ATRNL1: variants seen among roughly 807,000 people sequenced by gnomAD.
ATRNL1 encodes the protein attractin like 1.
ATRNL1 carries 95 observed loss-of-function variants against 182.7 expected under a neutral mutation model. The observed-to-expected ratio is 0.52, with a 90% CI of 0.44 to 0.62. ATRNL1 has a LOEUF of 0.62. ATRNL1 is among the 20% of genes least tolerant of loss of function. ATRNL1 has a pLI of 0.00. For missense variants in ATRNL1, 1,471 were observed against 1,679.5 expected, an observed-to-expected ratio of 0.88 and a Z score of 2.17; for synonymous variants, 576 against 568.3, an observed-to-expected ratio of 1.01 and a Z score of -0.19.
chr10:115,377,987 T>G (rs1449205161), intron 19 of ATRNL1, among the ~76,000 whole-genome samples: 2 of 152,060 alleles, frequency 1.3e-5, no homozygotes, highest in African/African-American at 4.8e-5. Flanking sequence ...TGTGGCTTCT[T>G]CTGCATTCTT....
chr10:115,404,397 T>C (rs1219055995), intron 20 of ATRNL1, among the ~76,000 whole-genome samples: 2 of 152,188 alleles, frequency 1.3e-5, no homozygotes, highest in Non-Finnish European at 2.9e-5. Context: ...AAAAACCTCA[T>C]GTGCCATACA....
intron 20 of ATRNL1, among the ~76,000 whole-genome samples, chr10:115,398,338 C>T (rs905991062): frequency 2.0e-5 from 3 of 151,966 alleles, no homozygotes; most frequent in East Asian, 1.9e-4. Flanking sequence ...CACAGCTGAT[C>T]GTCAAAAATT....
chr10:115,277,740 A>T (rs181916033), intron 13 of ATRNL1, among the ~76,000 whole-genome samples: 1 of 152,250 alleles, frequency 6.6e-6, no homozygotes, highest in East Asian at 1.9e-4. Flanking sequence ...TATGTGAATT[A>T]TCTGAACCTG....
chr10:115,743,073 C>T (rs1555068097), intron 27 of ATRNL1, among the ~76,000 whole-genome samples: 1 of 151,950 alleles, frequency 6.6e-6, no homozygotes, highest in South Asian at 2.1e-4. Context: ...CATGAGAACT[C>T]ACTCACTATC....
intron 1 of ATRNL1, among the ~76,000 whole-genome samples, chr10:115,104,128 C>T (rs112801597): frequency 0.021 from 3,253 of 152,280 alleles, 45 homozygotes; most frequent in South Asian, 0.029. Context: ...AACTGTTCTG[C>T]ATAGTAGTTA....
At chr10:115,375,383 G>A (rs575091342) in intron 19 of ATRNL1, among the ~76,000 whole-genome samples, 2 of 151,836 alleles carry the variant, frequency 1.3e-5, no homozygotes, top group South Asian at 2.1e-4. Context: ...GTCTCTTATA[G>A]GGAGTCTATT....
chr10:115,836,029 A>G (rs1395285349), intron 27 of ATRNL1, among the ~76,000 whole-genome samples: 1 of 152,186 alleles, frequency 6.6e-6, no homozygotes, highest in South Asian at 2.1e-4. Context: ...GAATCTCAGA[A>G]TCTATTTCCT....
chr10:115,194,119 AT>A (rs1325967182), intron 8 of ATRNL1, among the ~76,000 whole-genome samples: 2 of 151,900 alleles, frequency 1.3e-5, no homozygotes, highest in Admixed American at 1.3e-4. Context: ...GTCCTAATGA[AT>A]TGTCTATCTT....
chr10:115,322,353 T>G (rs1854626693), intron 18 of ATRNL1, among the ~76,000 whole-genome samples: 1 of 152,028 alleles, frequency 6.6e-6, no homozygotes, highest in Non-Finnish European at 1.5e-5. Context: ...TCTGGTTTTC[T>G]TTATTTGTTG....
intron 20 of ATRNL1, among the ~76,000 whole-genome samples, chr10:115,412,666 G>T (rs1252366314): frequency 6.6e-6 from 1 of 152,070 alleles, no homozygotes; most frequent in Non-Finnish European, 1.5e-5. Context: ...CTAGTCTTTG[G>T]TAGATATTTT....
intron 8 of ATRNL1, among the ~76,000 whole-genome samples, chr10:115,213,604 A>T (rs1849113199): frequency 6.6e-6 from 1 of 151,948 alleles, no homozygotes; most frequent in South Asian, 2.1e-4. Flanking sequence ...GTTGTCTCTT[A>T]CACAGTTTCT....
chr10:115,307,048 CTTCT>C (rs1253641047), intron 17 of ATRNL1, among the ~76,000 whole-genome samples: 1 of 152,058 alleles, frequency 6.6e-6, no homozygotes, highest in Non-Finnish European at 1.5e-5. Context: ...TGATCTTTTG[CTTCT>C]TTTGTTTTCT....
intron 6 of ATRNL1, among the ~76,000 whole-genome samples, chr10:115,162,457 C>A (rs138452831): frequency 6.6e-6 from 1 of 151,746 alleles, no homozygotes; most frequent in Non-Finnish European, 1.5e-5. Flanking sequence ...CAGGCCCATG[C>A]AATTTGCATG....
intron 21 of ATRNL1, among the ~76,000 whole-genome samples, chr10:115,436,026 C>G (rs1350791551): frequency 6.6e-6 from 1 of 151,996 alleles, no homozygotes; most frequent in African/African-American, 2.4e-5. Flanking sequence ...TGTTGGGGTA[C>G]TTGAGCAAAA....
chr10:115,263,224 T>A (rs1851465841), intron 10 of ATRNL1, among the ~76,000 whole-genome samples: 1 of 151,850 alleles, frequency 6.6e-6, no homozygotes, highest in Admixed American at 6.6e-5. Flanking sequence ...TCCAAAGATA[T>A]ACAAATGTCC....
At chr10:115,845,499 C>T (rs1056727047) in intron 27 of ATRNL1, among the ~76,000 whole-genome samples, 1 of 151,904 alleles carries the variant, frequency 6.6e-6, no homozygotes, top group Non-Finnish European at 1.5e-5. Flanking sequence ...ATTTTTTTCT[C>T]CGTTGATGCT....
At chr10:115,448,461 T>C (rs940952858) in intron 21 of ATRNL1, among the ~76,000 whole-genome samples, 2 of 152,116 alleles carry the variant, frequency 1.3e-5, no homozygotes, top group Non-Finnish European at 2.9e-5. Context: ...AATCAAGAAG[T>C]TCTTTGAAAA....
chr10:115,411,063 G>T (rs2134339362), intron 20 of ATRNL1, among the ~76,000 whole-genome samples: 1 of 152,136 alleles, frequency 6.6e-6, no homozygotes, highest in East Asian at 1.9e-4. Flanking sequence ...TCATAAAAAT[G>T]CAAAATTATT....
At chr10:115,317,237 G>A (rs1414905207) in intron 18 of ATRNL1, among the ~76,000 whole-genome samples, 1 of 152,082 alleles carries the variant, frequency 6.6e-6, no homozygotes, top group Non-Finnish European at 1.5e-5. Flanking sequence ...GATGTGTGGT[G>A]TTATTTCTGA....
Sources: gnomAD v4.1 joint callset for allele counts (sites outside exome capture counted in the v4.1 genomes callset) on GRCh38, gnomAD v4.1.1 for gene constraint, MANE v1.5 for transcripts, NCBI Gene and HGNC (gene_info 2026-07-23, HGNC 2026-07-21) for gene names.